The following CDSN variants were observed in gnomAD, a reference collection of about 807,000 sequenced individuals.
CDSN encodes corneodesmosin.
Under a neutral mutation model 25.6 loss-of-function variants are expected in CDSN, and 11 were observed. The ratio of observed to expected loss-of-function variants is 0.43; its 90% CI spans 0.27 to 0.71. The LOEUF (loss-of-function observed/expected upper bound fraction) is 0.71, where lower values mean the gene tolerates loss of function less well. CDSN is among the 30% of genes least tolerant of loss of function. The pLI, the probability that CDSN is intolerant of heterozygous loss-of-function variation, is 0.20. For synonymous variants in CDSN, 266 were observed against 267.4 expected (o/e 0.99, Z 0.05); for missense variants, 598 against 670.9 (o/e 0.89, Z 1.20).
chr6:31,118,934 C>T (rs1772316739), intron 1 of CDSN: 1 of 149,174 alleles, frequency 6.7e-6, no homozygotes, highest in African/African-American at 2.5e-5. Flanking sequence ...CCTCTGCCTC[C>T]TTGGTGCAAG....
Position 31,116,624 on chromosome 6 carries a change from T to A in CDSN, c.991A>T (p.Lys331Ter). The change falls in exon 2 of 2, where the codon AAA (lysine) becomes TAA (stop). Residue 331 changes from lysine to a stop codon, truncating the protein, a stop_gained. Coordinates refer to ENST00000376288, the MANE Select transcript of CDSN (RefSeq NM_001264.5). LOFTEE classifies it high-confidence loss of function. ...VGYFTKENPV[K>*]GSPGVPSFAA... ...AAGGAAGGGACCCCTGGAGAGCCTT[T>A]CACAGGGTTCTCTTTGGTGAAGTAG... 6.2e-7 allele frequency: 1 copy of A among 1,613,184 alleles called. No homozygotes were observed. Among genetic ancestry groups the A allele is most frequent in the Non-Finnish European group, 8.5e-7 (1 of 1,180,008 alleles).
chr6:31,115,736 T>G lies in CDSN; in HGVS notation c.*289A>C. 1 of 492,822 alleles carries G rather than the reference T, an allele frequency of 2.0e-6. No individual in the cohort carries two copies. Among genetic ancestry groups the G allele is most frequent in the Admixed American group, 3.3e-5 (1 of 30,542 alleles). 30.5% of individuals were successfully genotyped at this position (492,822 alleles called of 1,614,324 possible). ...GACCATTTCCACACAGTAGAGGGAA[T>G]TGTAAGGGGTGGTGATCTGGCTGAG... On this transcript the variant is annotated 3_prime_UTR_variant, in exon 2 of 2. Transcript: ENST00000376288. This position sits in a 1 kb window ranked among gnomAD's most constrained non-coding sequence, Gnocchi z 4.2.
chr6:31,115,880 G>A lies in CDSN; in HGVS notation c.*145C>T. 2 of 692,148 alleles carry A rather than the reference G, an allele frequency of 2.9e-6. No homozygotes were observed. The highest frequency in any genetic ancestry group is 5.1e-6 in the Non-Finnish European group (2 of 389,228). The allele number at this position is 692,148 out of a possible 1,614,324, so 42.9% of individuals were successfully genotyped here. ...TGATAAGAGAGAGTCTGCAACCTTG[G>A]GGTAGTGGAGAAAGCAGAACCACTC... On this transcript the variant is annotated 3_prime_UTR_variant, in exon 2 of 2. Transcript: ENST00000376288. This position sits in a 1 kb window ranked among gnomAD's most constrained non-coding sequence, Gnocchi z 4.2.
rs3094217 is a variant in CDSN at position 31,115,879 on chromosome 6, G to C, written c.*146C>G. ...GTGATAAGAGAGAGTCTGCAACCTT[G>C]GGGTAGTGGAGAAAGCAGAACCACT... On this transcript the variant is annotated 3_prime_UTR_variant, in exon 2 of 2. Coordinates refer to ENST00000376288, the MANE Select transcript of CDSN (RefSeq NM_001264.5). This position sits in a 1 kb window ranked among gnomAD's most constrained non-coding sequence, Gnocchi z 4.2. 1.5e-6 allele frequency: 1 copy of C among 679,388 alleles called. No homozygotes were observed. Among genetic ancestry groups the C allele is most frequent in the Non-Finnish European group, 2.6e-6 (1 of 382,096 alleles). 42.1% of individuals were successfully genotyped at this position (679,388 alleles called of 1,614,324 possible). A position where few individuals can be genotyped will look rare whatever the true frequency, so the allele number is the denominator to read the frequency against.
chr6:31,117,667 G>A lies in CDSN; in HGVS notation c.86-138C>T, dbSNP rs180997568. ...GAGAGTTTAGGGATGGAGAAAGGAG[G>A]AAGAACTGGCTATTGTCTCTAAAGG... On this transcript the variant is annotated intron_variant, in intron 1 of 1. Coordinates refer to ENST00000376288, the MANE Select transcript of CDSN (RefSeq NM_001264.5). The A allele has an allele frequency of 2.5e-3, 1,860 of 734,896 alleles. 17 individuals carry two copies. The highest frequency in any genetic ancestry group is 0.016 in the Middle Eastern group (44 of 2,700). The allele number at this position is 734,896 out of a possible 1,614,324, so 45.5% of individuals were successfully genotyped here. A position where few individuals can be genotyped will look rare whatever the true frequency, so the allele number is the denominator to read the frequency against.
At position 31,116,296 on chromosome 6, in the gene CDSN, C is replaced by T. The variant is rs1175592236; in HGVS notation, c.1319G>A (p.Ser440Asn). 6.2e-7 allele frequency: 1 copy of T among 1,614,088 alleles called. No homozygotes were observed. Among genetic ancestry groups the T allele is most frequent in the Admixed American group, 1.7e-5 (1 of 60,008 alleles). Residue 440 changes from serine to asparagine, a missense_variant, in exon 2 of 2, where the codon AGT (serine) becomes AAT (asparagine). By Grantham distance (46) the Ser-to-Asn change is conservative. Transcript: ENST00000376288. ...ACAAGGCTGAAGGATGATTTTGCCA[C>T]TGGATTGGGAACTGGAGCTGCTGCT... The part of the protein sequence containing the change: ...SFSSSSSSQS[S>N]GKIILQPCGS...
Position 31,116,352 on chromosome 6 carries a change from G to C in CDSN, c.1263C>G (p.Ser421Arg), listed in dbSNP as rs927377928. 1 of 1,612,096 alleles carries C rather than the reference G, an allele frequency of 6.2e-7. No homozygotes were observed. The highest frequency in any genetic ancestry group is 8.5e-7 in the Non-Finnish European group (1 of 1,178,946). ...PYHPCGSASQ[S>R]PCSPPGTGSF... is the part of the protein sequence containing the mutation. ...AGCCGGTGCCTGGTGGGGAGCAGGG[G>C]CTCTGGGAAGCACTGCCGCAGGGAT... The change falls in exon 2 of 2, where the codon AGC becomes AGG. Residue 421 changes from serine to arginine, a missense_variant. Coordinates refer to ENST00000376288, the MANE Select transcript of CDSN (RefSeq NM_001264.5).
At chr6:31,119,992 ATAT>A (rs1471729998) in intron 1 of CDSN, among the ~76,000 whole-genome samples, 1 of 152,170 alleles carries the variant, frequency 6.6e-6, no homozygotes, top group Non-Finnish European at 1.5e-5. Context: ...TCTAAAAATG[ATAT>A]TATTACTATT....
At position 31,116,170 on chromosome 6, in the gene CDSN, C is replaced by A; in HGVS notation, c.1445G>T (p.Gly482Val). Residue 482 changes from glycine to valine, a missense_variant, in exon 2 of 2, where the codon GGT becomes GTT. Transcript: ENST00000376288. Reference protein sequence around the residue: ...DGSPHPDPSAGAKPCGSSSAG... With the variant: ...DGSPHPDPSAVAKPCGSSSAG... ...ACTGCTGGAGCCACAGGGCTTGGCACCAGCGGAGGGATCAGGATGGGGAGA... is the reference window on the plus strand; with the variant it reads ...ACTGCTGGAGCCACAGGGCTTGGCAACAGCGGAGGGATCAGGATGGGGAGA... The A allele has an allele frequency of 6.2e-7, 1 of 1,612,026 alleles. No homozygotes were observed. Among genetic ancestry groups the A allele is most frequent in the Non-Finnish European group, 8.5e-7 (1 of 1,178,794 alleles).
Position 31,116,955 on chromosome 6 carries a change from C to T in CDSN, c.660G>A (p.Ser220=), listed in dbSNP as rs780616557. 6 of 1,614,036 alleles carry T rather than the reference C, an allele frequency of 3.7e-6. No individual in the cohort carries two copies. The highest frequency in any genetic ancestry group is 5.1e-6 in the Non-Finnish European group (6 of 1,180,018). ...CACTGCAGGGAGAGTCGGGGATGTC[C>T]GAACTACAGGGACGCTGGTTGGAGC... ...SVSSNQRPCS[S]DIPDSPCSGG... Residue 220 remains serine (S), a synonymous_variant, in exon 2 of 2, where the codon TCG becomes TCA. Transcript: ENST00000376288.
At position 31,117,359 on chromosome 6, in the gene CDSN, C is replaced by T. The variant is rs75843924; in HGVS notation, c.256G>A (p.Gly86Ser). 1,182 of 1,577,794 alleles carry T rather than the reference C, an allele frequency of 7.5e-4. 7 individuals are homozygous for T. The African/African-American group carries it at 0.012, about 16-fold the overall frequency. The change falls in exon 2 of 2, where the codon GGT becomes AGT. Residue 86 changes from glycine to serine, a missense_variant. Coordinates refer to ENST00000376288, the MANE Select transcript of CDSN (RefSeq NM_001264.5). ...CCGCTGGAGCTACCACTGGAGCCAC[C>T]ACCAGAGCTTCTGGCACTGGAAATG... ...SSISSARSSG[G>S]GSSGSSSGSS... is the part of the protein sequence containing the mutation.
At chr6:31,118,685 C>G (rs1772295733) in intron 1 of CDSN, 1 of 152,228 alleles carries the variant, frequency 6.6e-6, no homozygotes, top group Admixed American at 6.6e-5. Flanking sequence ...CCTCCAGGTC[C>G]CACGTGTTAC....
rs1410221612 is a variant in CDSN at position 31,117,074 on chromosome 6, T to C, written c.541A>G (p.Asn181Asp). ...GNGSALPTND[N>D]SYRGILNPSQ... ...GGGTTTAGTATTCCGCGGTAAGAGT[T>C]GTCATTGGTTGGCAGAGCAGAGCCA... Residue 181 changes from asparagine to aspartate, a missense_variant, in exon 2 of 2, where the codon AAC becomes GAC. By Grantham distance (23) the Asn-to-Asp change is conservative. Coordinates refer to ENST00000376288, the MANE Select transcript of CDSN (RefSeq NM_001264.5). 1 of 1,614,038 alleles carries C rather than the reference T, an allele frequency of 6.2e-7. No individual in the cohort carries two copies. Among genetic ancestry groups the C allele is most frequent in the Non-Finnish European group, 8.5e-7 (1 of 1,180,034 alleles).
In CDSN at chr6:31,116,182, T is replaced by C; in HGVS notation, c.1433A>G (p.Asp478Gly). The C allele has an allele frequency of 6.2e-7, 1 of 1,612,890 alleles. No homozygotes were observed. Among genetic ancestry groups the C allele is most frequent in the Non-Finnish European group, 8.5e-7 (1 of 1,179,428 alleles). The change falls in exon 2 of 2, where the codon GAT becomes GGT. Residue 478 changes from aspartate (D) to glycine (G), a missense_variant. By Grantham distance (94) the Asp-to-Gly change is moderately conservative. Coordinates refer to ENST00000376288, the MANE Select transcript of CDSN (RefSeq NM_001264.5). ...ACAGGGCTTGGCACCAGCGGAGGGATCAGGATGGGGAGAGCCATCGGGGCC... is the reference window on the plus strand; with the variant it reads ...ACAGGGCTTGGCACCAGCGGAGGGACCAGGATGGGGAGAGCCATCGGGGCC... ...TGGPDGSPHP[D>G]PSAGAKPCGS...
chr6:31,117,469 G>C lies in CDSN; in HGVS notation c.146C>G (p.Thr49Ser), dbSNP rs141019235. 1.7e-5 allele frequency: 26 copies of C among 1,553,590 alleles called. No homozygotes were observed. The African/African-American group carries it at 3.4e-4, about 20-fold the overall frequency. The change falls in exon 2 of 2, where the codon ACC (threonine) becomes AGC (serine). Residue 49 changes from threonine (T) to serine (S), a missense_variant. Coordinates refer to ENST00000376288, the MANE Select transcript of CDSN (RefSeq NM_001264.5). ...AGTGAGGCAGGGGTCGTTAGGGGAG[G>C]TGATACGCGTGGGGTCCTTACAAGG... is the stretch of plus-strand genomic sequence containing the variant. ...SDPCKDPTRI[T>S]SPNDPCLTGK...
Position 31,115,116 on chromosome 6 carries a change from T to C in CDSN, c.*909A>G. 1 of 352,030 alleles carries C rather than the reference T, an allele frequency of 2.8e-6. No homozygotes were observed. Among genetic ancestry groups the C allele is most frequent in the Non-Finnish European group, 5.5e-6 (1 of 180,258 alleles). 21.8% of individuals were successfully genotyped at this position (352,030 alleles called of 1,614,324 possible). On this transcript the variant is annotated 3_prime_UTR_variant, in exon 2 of 2. Transcript: ENST00000376288. The surrounding 1 kb of genome is among the most constrained non-coding windows in gnomAD (Gnocchi z 4.2). ...TTCAGTTCAACAAATATTTATTGTC[T>C]TCCTCCTCTGTGGGAGCAGCTGGAA...
In CDSN at chr6:31,116,382, G is replaced by C. The variant is rs536731330; in HGVS notation, c.1233C>G (p.Pro411=). The change falls in exon 2 of 2, where the codon CCC becomes CCG. Residue 411 remains proline, a synonymous_variant. Transcript: ENST00000376288. ...GGGAAGCACTGCCGCAGGGATGGTA[G>C]GGTAAACCGGAGCTGCTGGAAATGC... ...SSSISSSSGL[P]YHPCGSASQS... The C allele has an allele frequency of 2.5e-6, 4 of 1,606,360 alleles. No homozygotes were observed. The Admixed American group carries it at 6.9e-5, about 28-fold the overall frequency.
At position 31,116,913 on chromosome 6, in the gene CDSN, C is replaced by A. The variant is rs570168104; in HGVS notation, c.702G>T (p.Ser234=). ...DSPCSGGPIV[S]HSGPYIPSSH... is the part of the protein sequence containing the mutation. The stretch of plus-strand genomic sequence containing the variant: ...AGCTGGGGATGTAGGGGCCGGAGTG[C>A]GAGACGATGGGCCCTCCACTGCAGG... Residue 234 remains serine, a synonymous_variant, in exon 2 of 2, where the codon TCG becomes TCT. Transcript: ENST00000376288. 6.2e-6 allele frequency: 10 copies of A among 1,613,948 alleles called. No homozygotes were observed. The highest frequency in any genetic ancestry group is 7.6e-6 in the Non-Finnish European group (9 of 1,179,970).
At position 31,117,269 on chromosome 6, in the gene CDSN, T is replaced by C. The variant is rs1374100530; in HGVS notation, c.346A>G (p.Ser116Gly). 1 of 1,607,362 alleles carries C rather than the reference T, an allele frequency of 6.2e-7. No homozygotes were observed. The highest frequency in any genetic ancestry group is 8.5e-7 in the Non-Finnish European group (1 of 1,176,306). The change falls in exon 2 of 2, where the codon AGC (serine) becomes GGC (glycine). Residue 116 changes from serine to glycine, a missense_variant. Ser to Gly is a moderately conservative substitution (Grantham distance 56). Coordinates refer to ENST00000376288, the MANE Select transcript of CDSN (RefSeq NM_001264.5). ...FKPGTGYSQVSYSSGSGSSLQ... is the reference protein window; with the variant it reads ...FKPGTGYSQVGYSSGSGSSLQ... ...CTAGAGCCAGATCCGGAGGAGTAGCTGACCTGGGAATACCCCGTTCCTGGC... is the reference window on the plus strand; with the variant it reads ...CTAGAGCCAGATCCGGAGGAGTAGCCGACCTGGGAATACCCCGTTCCTGGC...
Sources: gnomAD v4.1 joint callset for allele counts (sites outside exome capture counted in the v4.1 genomes callset) on GRCh38, gnomAD v4.1.1 for gene constraint, Gnocchi (gnomAD v3.1) non-coding constraint, MANE v1.5 for transcripts, NCBI Gene and HGNC (gene_info 2026-07-23, HGNC 2026-07-21) for gene names.